The following PAN3 variants were observed in gnomAD, a reference collection of about 807,000 sequenced individuals.
PAN3 encodes poly(A) specific ribonuclease subunit PAN3.
A neutral mutation model predicts 96.2 loss-of-function variants in PAN3; 19 were observed. The observed-to-expected ratio is 0.20, with a 90% CI of 0.14 to 0.29. The LOEUF is 0.29. Ranked by LOEUF, PAN3 falls within the 10% of genes least tolerant of loss-of-function variation. The probability of loss-of-function intolerance (pLI) is 1.00; values close to 1 mark genes in which losing one functional copy is unlikely to be tolerated. For missense variants in PAN3, 882 were observed against 1,108.1 expected (o/e 0.80, Z 2.90); for synonymous variants, 433 against 406.6 (o/e 1.06, Z -0.78).
chr13:28,166,098 A>C (rs1319694806), intron 1 of PAN3, among the ~76,000 whole-genome samples: 1 of 152,226 alleles, frequency 6.6e-6, no homozygotes, highest in African/African-American at 2.4e-5. Context: ...AAAGTCTTCC[A>C]GCACCAATTC....
intron 5 of PAN3, among the ~76,000 whole-genome samples, chr13:28,208,746 C>G (rs1210238330): frequency 2.0e-5 from 3 of 152,060 alleles, no homozygotes; most frequent in Non-Finnish European, 4.4e-5. Flanking sequence ...TAAGTGTCTT[C>G]TATTCTTTGG....
At chr13:28,232,789 C>T (rs1882712914) in intron 6 of PAN3, among the ~76,000 whole-genome samples, 1 of 151,952 alleles carries the variant, frequency 6.6e-6, no homozygotes. Flanking sequence ...GGGTGAGCAA[C>T]CCTTATCCAA....
chr13:28,286,078 G>T (rs1868939588), intron 17 of PAN3, among the ~76,000 whole-genome samples: 1 of 152,214 alleles, frequency 6.6e-6, no homozygotes, highest in African/African-American at 2.4e-5. Context: ...ATTATAGAAT[G>T]TTGAACCTTT....
rs142481431 is a variant in PAN3 at position 28,154,021 on chromosome 13, T to C, written c.430+14934T>C. On this transcript the variant is annotated intron_variant, in intron 1 of 18. Coordinates refer to ENST00000380958, the MANE Select transcript of PAN3 (RefSeq NM_175854.8). ...GATTATGTAGAAAATAGTAATTATC[T>C]TGGCATAGATCTCAAACTAAAACTG... is the stretch of plus-strand genomic sequence containing the variant. Among the ~76,000 whole-genome samples, 1,045 of 152,370 alleles carry C rather than the reference T, an allele frequency of 6.9e-3. 11 individuals are homozygous for C. Among genetic ancestry groups the C allele is most frequent in the African/African-American group, 0.024 (1,009 of 41,582 alleles).
chr13:28,267,960 G>T (rs1011863045), intron 12 of PAN3, among the ~76,000 whole-genome samples: 3 of 152,120 alleles, frequency 2.0e-5, no homozygotes, highest in Non-Finnish European at 4.4e-5. Flanking sequence ...AATGTCTTTT[G>T]CATATTTACT....
intron 1 of PAN3, among the ~76,000 whole-genome samples, chr13:28,151,175 T>G (rs1321434554): frequency 1.3e-5 from 2 of 152,102 alleles, no homozygotes; most frequent in Non-Finnish European, 2.9e-5. Context: ...ATTAGGATTT[T>G]TGCTTTTATT....
chr13:28,228,157 TTC>T, intron 6 of PAN3, among the ~76,000 whole-genome samples: 1 of 152,216 alleles, frequency 6.6e-6, no homozygotes, highest in East Asian at 1.9e-4. Context: ...AAATTTACTG[TTC>T]TGTGTGTTAC....
chr13:28,222,801 AT>A lies in PAN3; in HGVS notation c.1000+2427del, dbSNP rs371814313. Among the ~76,000 whole-genome samples, 7 of 152,220 alleles carry A rather than the reference AT, an allele frequency of 4.6e-5. No individual in the cohort carries two copies. The East Asian group carries it at 7.7e-4, about 17-fold the overall frequency. ...TGTCTATTATAGGTGTAACTCATTG[AT>A]TTTAGTTACAAGTTTTTAATTTAAA... On this transcript the variant is annotated intron_variant, in intron 6 of 18. Transcript: ENST00000380958.
At chr13:28,211,810 G>C (rs181819968) in intron 5 of PAN3, among the ~76,000 whole-genome samples, 2 of 152,288 alleles carry the variant, frequency 1.3e-5, no homozygotes, top group Admixed American at 1.3e-4. Context: ...GACAGTGAAG[G>C]ACAGTGATCC....
intron 6 of PAN3, among the ~76,000 whole-genome samples, chr13:28,253,311 C>T (rs920363794): frequency 6.6e-5 from 10 of 152,128 alleles, no homozygotes; most frequent in African/African-American, 1.2e-4. Context: ...TAATTTAGTA[C>T]TGTATGTAGG....
chr13:28,212,161 C>CTA (rs1444001414), intron 5 of PAN3, among the ~76,000 whole-genome samples: 1 of 152,194 alleles, frequency 6.6e-6, no homozygotes, highest in Non-Finnish European at 1.5e-5. Flanking sequence ...ATTCTCAGAT[C>CTA]TATACATGGC....
intron 17 of PAN3, among the ~76,000 whole-genome samples, chr13:28,286,956 TTTTA>T (rs1294886129): frequency 2.0e-5 from 3 of 152,156 alleles, no homozygotes; most frequent in African/African-American, 4.8e-5. Flanking sequence ...CAAATCTGCC[TTTTA>T]TTTAATTTTC....
At position 28,138,607 on chromosome 13, in the gene PAN3, G is replaced by GGCGGCGGCA. The variant is rs1869107649; in HGVS notation, c.-43_-42insAGCGGCGGC. 2 of 482,550 alleles carry GGCGGCGGCA rather than the reference G, an allele frequency of 4.1e-6. No homozygotes were observed. The highest frequency in any genetic ancestry group is 3.8e-5 in the South Asian group (1 of 26,164). 29.9% of individuals were successfully genotyped at this position (482,550 alleles called of 1,614,324 possible). The stretch of plus-strand genomic sequence containing the variant: ...CCTTTCCTCCCCCGTCTATGGTGGT[G>GGCGGCGGCA]GCGGCGGCGGCTCCTCGGGCGGCGG... On this transcript the variant is annotated 5_prime_UTR_variant, in exon 1 of 19. Coordinates refer to ENST00000380958, the MANE Select transcript of PAN3 (RefSeq NM_175854.8).
At chr13:28,143,803 C>T (rs1438562371) in intron 1 of PAN3, among the ~76,000 whole-genome samples, 3 of 151,994 alleles carry the variant, frequency 2.0e-5, no homozygotes, top group East Asian at 1.9e-4. Flanking sequence ...TGTGATTGTC[C>T]AAATGGAGGA....
At chr13:28,290,064 G>A (rs745903756) in intron 18 of PAN3, among the ~76,000 whole-genome samples, 7 of 152,196 alleles carry the variant, frequency 4.6e-5, no homozygotes, top group Non-Finnish European at 7.3e-5. Flanking sequence ...GGCCAAATCC[G>A]TTCTATGGCC....
At chr13:28,204,044 C>T (rs1323105075) in intron 5 of PAN3, among the ~76,000 whole-genome samples, 3 of 151,804 alleles carry the variant, frequency 2.0e-5, no homozygotes, top group Non-Finnish European at 4.4e-5. Context: ...CTCTTGACCT[C>T]GTGATCTGCC....
rs775480418 is a variant in PAN3, at chr13:28,174,323, A to C, written c.482A>C (p.Tyr161Ser). Residue 161 changes from tyrosine to serine, a missense_variant, in exon 2 of 19, where the codon TAT (tyrosine) becomes TCT (serine). Physicochemically the swap from Tyr to Ser is moderately radical, Grantham distance 144. Coordinates refer to ENST00000380958, the MANE Select transcript of PAN3 (RefSeq NM_175854.8). ...ALTDTSLTDS[Y>S]FSTSFIGVNG... ...ACTGATACAAGTCTCACAGATTCCT[A>C]TTTTAGCACCAGCTTTATTGGAGTC... 7.4e-6 allele frequency: 12 copies of C among 1,612,648 alleles called. No homozygotes were observed. The African/African-American group carries it at 9.3e-5, about 13-fold the overall frequency.
Position 28,218,994 on chromosome 13 carries a change from T to C in PAN3, c.853-1237T>C, listed in dbSNP as rs577420933. The stretch of plus-strand genomic sequence containing the variant: ...CGGCCCTGACATACTTTTCATTCTG[T>C]TGGTAGCCATTTGTTCCCTTATAAC... On this transcript the variant is annotated intron_variant, in intron 5 of 18. Coordinates refer to ENST00000380958, the MANE Select transcript of PAN3 (RefSeq NM_175854.8). Among the ~76,000 whole-genome samples, 4 of 152,332 alleles carry C rather than the reference T, an allele frequency of 2.6e-5. No individual in the cohort carries two copies. In the South Asian group the frequency reaches 8.3e-4, roughly 32 times the overall value.
intron 6 of PAN3, among the ~76,000 whole-genome samples, chr13:28,220,759 T>C (rs374295715): frequency 6.6e-6 from 1 of 152,190 alleles, no homozygotes; most frequent in East Asian, 1.9e-4. Context: ...GTCCTCCTTT[T>C]ACATTAAATT....
Sources: allele counts gnomAD v4.1 joint callset (sites outside exome capture counted in the v4.1 genomes callset), GRCh38; gene constraint gnomAD v4.1.1; transcripts MANE v1.5; gene names NCBI Gene and HGNC (gene_info 2026-07-23, HGNC 2026-07-21).